AMBRA1: variants seen among roughly 807,000 people sequenced by gnomAD.
The protein encoded by AMBRA1 is autophagy and beclin 1 regulator 1.
AMBRA1 carries 47 observed loss-of-function variants against 125.4 expected under a neutral mutation model. The observed-to-expected ratio is 0.37, with a 90% CI of 0.30 to 0.48. AMBRA1 has a LOEUF of 0.48. Ranked by LOEUF, AMBRA1 falls within the 20% of genes least tolerant of loss-of-function variation. The probability of loss-of-function intolerance (pLI) is 0.99; values close to 1 mark genes in which losing one functional copy is unlikely to be tolerated. For missense variants in AMBRA1, 1,331 were observed against 1,693.4 expected (o/e 0.79, Z 3.76); for synonymous variants, 626 against 655.5 (o/e 0.95, Z 0.69).
At chr11:46,582,098 G>C (rs1565322611) in intron 1 of AMBRA1, among the ~76,000 whole-genome samples, 1 of 145,414 alleles carries the variant, frequency 6.9e-6, no homozygotes, top group Non-Finnish European at 1.5e-5. Context: ...CTGGGGAACA[G>C]AGACCCTGTC....
intron 6 of AMBRA1, 103 bp downstream of exon 6, chr11:46,543,872 A>C: frequency 1.1e-6 from 1 of 939,716 alleles, no homozygotes; most frequent in East Asian, 2.4e-5. Flanking sequence ...GAAAGATAAG[A>C]CTTGGGTATT....
rs553140992 is a variant in AMBRA1, at chr11:46,548,024, G to C, written c.136-149C>G. On this transcript the variant is annotated intron_variant, in intron 2 of 17. Coordinates refer to ENST00000683756, the MANE Select transcript of AMBRA1 (RefSeq NM_001387011.1). ...AATGATCAAGCTACAAATTGAGAGAGATAAACCTAAATTACCTTCAGGAAA... is the reference window on the plus strand; with the variant it reads ...AATGATCAAGCTACAAATTGAGAGACATAAACCTAAATTACCTTCAGGAAA... 1.7e-5 allele frequency: 21 copies of C among 1,206,980 alleles called. No individual in the cohort carries two copies. The South Asian group carries it at 2.0e-4, about 11-fold the overall frequency. 74.8% of individuals were successfully genotyped at this position (1,206,980 alleles called of 1,614,324 possible).
intron 12 of AMBRA1, among the ~76,000 whole-genome samples, chr11:46,437,703 G>T (rs547411218): frequency 6.6e-6 from 1 of 152,322 alleles, no homozygotes; most frequent in South Asian, 2.1e-4. Context: ...AATTCATACA[G>T]GAAGAGATTT....
At chr11:46,577,713 G>T (rs975730122) in intron 1 of AMBRA1, among the ~76,000 whole-genome samples, 14 of 152,100 alleles carry the variant, frequency 9.2e-5, no homozygotes, top group African/African-American at 3.4e-4. Context: ...CACTTTGGGA[G>T]GCCGAGGCGG....
intron 1 of AMBRA1, among the ~76,000 whole-genome samples, chr11:46,582,950 A>G (rs1664502254): frequency 6.6e-6 from 1 of 151,952 alleles, no homozygotes; most frequent in African/African-American, 2.4e-5. Flanking sequence ...AAAAAAAGCC[A>G]TAGTACATAA....
chr11:46,436,600 G>C (rs970183126), intron 12 of AMBRA1, among the ~76,000 whole-genome samples: 4 of 151,908 alleles, frequency 2.6e-5, no homozygotes, highest in Non-Finnish European at 5.9e-5. Flanking sequence ...CACTGGGACC[G>C]TCTGCTACTT....
At chr11:46,522,824 C>G (rs2135099600) in intron 7 of AMBRA1, among the ~76,000 whole-genome samples, 1 of 152,314 alleles carries the variant, frequency 6.6e-6, no homozygotes, top group African/African-American at 2.4e-5. Context: ...TTCACATCCA[C>G]ATTTCTGACC....
intron 14 of AMBRA1, among the ~76,000 whole-genome samples, chr11:46,431,060 G>A (rs1947434618): frequency 6.6e-6 from 1 of 152,144 alleles, no homozygotes; most frequent in Non-Finnish European, 1.5e-5. Context: ...GTGATCTGGT[G>A]CCTTTGGACG....
rs950281248 is a variant in AMBRA1 at position 46,542,558 on chromosome 11, A to G, written c.1459T>C (p.Ser487Pro). The change falls in exon 7 of 18, where the codon TCC becomes CCC. Residue 487 changes from serine to proline, a missense_variant. By Grantham distance (74) the Ser-to-Pro change is moderately conservative. Around this residue, in one of 4 missense-constraint regions of AMBRA1, gnomAD observed 689 missense variants for 776.5 expected, o/e 0.89. Coordinates refer to ENST00000683756, the MANE Select transcript of AMBRA1 (RefSeq NM_001387011.1). The surrounding 1 kb of genome is among the most constrained non-coding windows in gnomAD (Gnocchi z 5.9). ...LATESDGGNG[S>P]SQNNSGSIRH... ...ATGCTGCCCGAGTTGTTTTGGCTGGAGCCATTCCCTCCATCTGACTCAGTT... is the reference window on the plus strand; with the variant it reads ...ATGCTGCCCGAGTTGTTTTGGCTGGGGCCATTCCCTCCATCTGACTCAGTT... The G allele has an allele frequency of 2.5e-5, 40 of 1,613,172 alleles. No individual in the cohort carries two copies. The highest frequency in any genetic ancestry group is 3.3e-5 in the Non-Finnish European group (39 of 1,180,028).
At chr11:46,503,560 A>C (rs935889804) in intron 9 of AMBRA1, among the ~76,000 whole-genome samples, 3 of 152,178 alleles carry the variant, frequency 2.0e-5, no homozygotes, top group East Asian at 1.9e-4. Context: ...CCAACTGCTC[A>C]ATGTCGGGTT....
chr11:46,397,363 C>T lies in AMBRA1; in HGVS notation c.*87G>A, dbSNP rs1162572333. 10 of 1,404,736 alleles carry T rather than the reference C, an allele frequency of 7.1e-6. No homozygotes were observed. The South Asian group carries it at 9.7e-5, about 14-fold the overall frequency. The allele number at this position is 1,404,736 out of a possible 1,614,324, so 87.0% of individuals were successfully genotyped here. On this transcript the variant is annotated 3_prime_UTR_variant, in exon 18 of 18. Coordinates refer to ENST00000683756, the MANE Select transcript of AMBRA1 (RefSeq NM_001387011.1). ...TCCTGTTCCCTGATGCAGCCAGCAG[C>T]TCTTCCACATGTCCAGTTCCCAGTC...
At chr11:46,585,665 C>CAAAAAAAA in intron 1 of AMBRA1, among the ~76,000 whole-genome samples, 1 of 7,600 alleles carries the variant, frequency 1.3e-4, no homozygotes, top group Non-Finnish European at 2.1e-4. Context: ...GACTCCATCT[C>CAAAAAAAA]AAAAAAAAAA....
At chr11:46,415,465 G>A (rs1202240596) in intron 15 of AMBRA1, among the ~76,000 whole-genome samples, 2 of 152,222 alleles carry the variant, frequency 1.3e-5, no homozygotes, top group African/African-American at 2.4e-5. Flanking sequence ...GCTCTGGATA[G>A]TAAAGTGAGG....
At chr11:46,436,707 TGAA>T (rs1388954723) in intron 12 of AMBRA1, among the ~76,000 whole-genome samples, 2 of 152,206 alleles carry the variant, frequency 1.3e-5, no homozygotes, top group Admixed American at 1.3e-4. Context: ...GATCAACACA[TGAA>T]TCCAGCTGGG....
chr11:46,520,720 C>T (rs796580767), intron 7 of AMBRA1, among the ~76,000 whole-genome samples: 40 of 150,834 alleles, frequency 2.7e-4, no homozygotes, highest in African/African-American at 9.0e-4. Context: ...CTCAGCCTCC[C>T]GAGTAGCTGG....
intron 8 of AMBRA1, among the ~76,000 whole-genome samples, chr11:46,511,431 C>A (rs1463968475): frequency 6.6e-6 from 1 of 152,180 alleles, no homozygotes; most frequent in East Asian, 1.9e-4. Context: ...GCACCAGTAT[C>A]TCAGAAAGAA....
chr11:46,522,448 C>T (rs1372441571), intron 7 of AMBRA1, among the ~76,000 whole-genome samples: 2 of 152,070 alleles, frequency 1.3e-5, no homozygotes, highest in Admixed American at 1.3e-4. Flanking sequence ...TCACAGACCA[C>T]AGACTTTTTT....
At chr11:46,451,156 A>G (rs527812925) in intron 11 of AMBRA1, among the ~76,000 whole-genome samples, 86 of 152,368 alleles carry the variant, frequency 5.6e-4, no homozygotes, top group African/African-American at 1.9e-3. Context: ...GCTTAGAGCA[A>G]AAGAAGAAAT....
intron 15 of AMBRA1, among the ~76,000 whole-genome samples, chr11:46,411,279 G>A (rs951957790): frequency 2.0e-5 from 3 of 152,186 alleles, no homozygotes; most frequent in Non-Finnish European, 2.9e-5. Flanking sequence ...CCTCCATAAA[G>A]AGCAAACATC....
Sources: gnomAD v4.1 joint callset for allele counts (sites outside exome capture counted in the v4.1 genomes callset) on GRCh38, gnomAD v4.1.1 for gene constraint, gnomAD v4.1.1 regional missense constraint, Gnocchi (gnomAD v3.1) non-coding constraint, MANE v1.5 for transcripts, NCBI Gene and HGNC (gene_info 2026-07-23, HGNC 2026-07-21) for gene names.